The following ITIH5 variants were observed in gnomAD, a reference collection of about 807,000 sequenced individuals.
ITIH5 encodes the protein inter-alpha-trypsin inhibitor heavy chain 5, also known as inter-alpha-trypsin inhibitor heavy chain H5.
In ITIH5, 65 loss-of-function variants were observed where a neutral mutation model predicts 77.5. The observed-to-expected ratio is 0.84, with a 90% CI of 0.69 to 1.03. ITIH5 has a LOEUF of 1.03. Among genes scored for constraint, ITIH5 ranks in the 50% least tolerant of loss-of-function variants. ITIH5 has a pLI of 0.00. For missense variants in ITIH5, 1,208 were observed against 1,213.1 expected (o/e 1.00, Z 0.06); for synonymous variants, 525 against 494.3 (o/e 1.06, Z -0.82).
At chr10:7,632,476 A>T (rs1032503435) in intron 5 of ITIH5, among the ~76,000 whole-genome samples, 4 of 152,244 alleles carry the variant, frequency 2.6e-5, no homozygotes, top group African/African-American at 4.8e-5. Flanking sequence ...AAACTTTTTT[A>T]AAAAGCAAGG....
chr10:7,659,733 T>C (rs982018834), intron 1 of ITIH5, among the ~76,000 whole-genome samples: 1 of 152,244 alleles, frequency 6.6e-6, no homozygotes, highest in African/African-American at 2.4e-5. Flanking sequence ...GCCTATCTGA[T>C]GTCTCAGGGG....
At chr10:7,639,891 C>T (rs1240256619) in intron 4 of ITIH5, among the ~76,000 whole-genome samples, 1 of 151,810 alleles carries the variant, frequency 6.6e-6, no homozygotes, top group Non-Finnish European at 1.5e-5. Flanking sequence ...AGGAGAGAGA[C>T]AGTGGAGGTT....
chr10:7,654,827 T>C (rs1424930059), intron 2 of ITIH5, among the ~76,000 whole-genome samples: 1 of 152,154 alleles, frequency 6.6e-6, no homozygotes, highest in Admixed American at 6.5e-5. Flanking sequence ...TTTAGGTACA[T>C]ATGTCATTGT....
At chr10:7,577,602 T>C (rs1564239948) in intron 9 of ITIH5, among the ~76,000 whole-genome samples, 2 of 152,248 alleles carry the variant, frequency 1.3e-5, no homozygotes, top group Admixed American at 6.5e-5. Context: ...AACCTGACTT[T>C]CGTGAGTTTG....
At chr10:7,574,794 G>GGAA (rs1554748362) in intron 10 of ITIH5, among the ~76,000 whole-genome samples, 7 of 85,658 alleles carry the variant, frequency 8.2e-5, no homozygotes, top group African/African-American at 2.6e-4. Context: ...CTCCATCTCG[G>GGAA]AAAAAAAAAA....
intron 7 of ITIH5, among the ~76,000 whole-genome samples, chr10:7,591,277 A>AC (rs1832788795): frequency 6.6e-6 from 1 of 152,072 alleles, no homozygotes; most frequent in Admixed American, 6.6e-5. Context: ...CTGCTAGTCT[A>AC]CCCCAGCTAT....
chr10:7,579,352 C>A (rs1288596757), intron 9 of ITIH5, among the ~76,000 whole-genome samples: 1 of 152,142 alleles, frequency 6.6e-6, no homozygotes, highest in Non-Finnish European at 1.5e-5. Flanking sequence ...ATGGAGAAAC[C>A]TTGTCTCTAC....
intron 8 of ITIH5, among the ~76,000 whole-genome samples, chr10:7,580,637 G>C (rs1007803470): frequency 6.6e-6 from 1 of 152,204 alleles, no homozygotes; most frequent in Non-Finnish European, 1.5e-5. Flanking sequence ...CCTCTTCTGA[G>C]AATGGCTTTG....
chr10:7,657,295 C>T (rs1274865614), intron 1 of ITIH5, among the ~76,000 whole-genome samples: 1 of 152,068 alleles, frequency 6.6e-6, no homozygotes, highest in Non-Finnish European at 1.5e-5. Flanking sequence ...GATCCGCCCG[C>T]CTCTGCCTCC....
In ITIH5 at chr10:7,563,282, G is replaced by A; in HGVS notation, c.2630C>T (p.Ala877Val). The A allele has an allele frequency of 6.2e-7, 1 of 1,614,204 alleles. No homozygotes were observed. Residue 877 changes from alanine (A) to valine (V), a missense_variant, in exon 14 of 14, where the codon GCC becomes GTC. Physicochemically the swap from Ala to Val is moderately conservative, Grantham distance 64. Coordinates refer to ENST00000397146, the MANE Select transcript of ITIH5 (RefSeq NM_030569.7). ...LLLQVGEGPE[A>V]VLTVKGHQVP... ...TTGGTGGCCTTTCACTGTTAGGACG[G>A]CCTCAGGCCCCTCTCCCACCTGAAG...
At chr10:7,597,494 A>G (rs1274872552) in intron 7 of ITIH5, among the ~76,000 whole-genome samples, 1 of 152,144 alleles carries the variant, frequency 6.6e-6, no homozygotes, top group Non-Finnish European at 1.5e-5. Context: ...CCAGCCTCAG[A>G]TCTGTTGTCC....
At chr10:7,602,511 T>G (rs1564254703) in intron 7 of ITIH5, among the ~76,000 whole-genome samples, 1 of 152,164 alleles carries the variant, frequency 6.6e-6, no homozygotes, top group Non-Finnish European at 1.5e-5. Context: ...TGACGGTTTT[T>G]TAAGCATCTG....
At position 7,569,787 on chromosome 10, in the gene ITIH5, G is replaced by C. The variant is rs1736312791; in HGVS notation, c.2033-3C>G. On this transcript the variant is annotated splice_region_variant and splice_polypyrimidine_tract_variant and intron_variant, in intron 11 of 13. Transcript: ENST00000397146. The stretch of plus-strand genomic sequence containing the variant: ...AACAAAGTGGGGATCACCATCCACT[G>C]CCAGAGCAGAAGAAAACGGAGAGAA... 2 of 1,579,556 alleles carry C rather than the reference G, an allele frequency of 1.3e-6. No homozygotes were observed. Among genetic ancestry groups the C allele is most frequent in the Non-Finnish European group, 1.7e-6 (2 of 1,157,944 alleles).
intron 2 of ITIH5, among the ~76,000 whole-genome samples, chr10:7,648,583 T>A (rs1834042787): frequency 6.6e-6 from 1 of 152,256 alleles, no homozygotes; most frequent in African/African-American, 2.4e-5. Flanking sequence ...AGCAGAAGTT[T>A]ACAGCTGTAG....
At chr10:7,589,895 G>T (rs1198217114) in intron 7 of ITIH5, among the ~76,000 whole-genome samples, 1 of 151,982 alleles carries the variant, frequency 6.6e-6, no homozygotes, top group Non-Finnish European at 1.5e-5. Context: ...GAGGGGATTG[G>T]TGCTCCCCTG....
At chr10:7,663,946 T>A (rs553592152) in intron 1 of ITIH5, among the ~76,000 whole-genome samples, 3 of 152,362 alleles carry the variant, frequency 2.0e-5, no homozygotes, top group Admixed American at 2.0e-4. Context: ...ATTTTGTCAA[T>A]CTAAAACTGC....
intron 2 of ITIH5, among the ~76,000 whole-genome samples, chr10:7,651,343 G>A (rs1834097039): frequency 6.6e-6 from 1 of 152,130 alleles, no homozygotes; most frequent in South Asian, 2.1e-4. Flanking sequence ...CAGCACTTTG[G>A]GAGGGCAGGG....
In ITIH5 at chr10:7,560,966, T is replaced by A. The variant is rs1293859928; in HGVS notation, c.*2117A>T. The A allele has an allele frequency of 1.4e-4, 1 of 7,370 alleles. No individual in the cohort carries two copies. The highest frequency in any genetic ancestry group is 1.7e-4 in the African/African-American group (1 of 5,930). 0.5% of individuals were successfully genotyped at this position (7,370 alleles called of 1,614,324 possible). A position where few individuals can be genotyped will look rare whatever the true frequency, so the allele number is the denominator to read the frequency against. On this transcript the variant is annotated 3_prime_UTR_variant, in exon 14 of 14. Coordinates refer to ENST00000397146, the MANE Select transcript of ITIH5 (RefSeq NM_030569.7). ...TTCTGGACAACAGAAAATACTATAT[T>A]TTTTTTTTATCAAATGCAAAGGTCC...
In ITIH5 at chr10:7,637,451, A is replaced by C. The variant is rs1462178425; in HGVS notation, c.429T>G (p.Ala143=). 3 of 1,613,990 alleles carry C rather than the reference A, an allele frequency of 1.9e-6. No homozygotes were observed. The Admixed American group carries it at 5.0e-5, about 27-fold the overall frequency. Residue 143 remains alanine (A), a synonymous_variant, in exon 5 of 14, where the codon GCT becomes GCG. Coordinates refer to ENST00000397146, the MANE Select transcript of ITIH5 (RefSeq NM_030569.7). ...NGEKGTEIFR[A]SAVIPSKDKA... ...TGTCCTTGCTGGGAATCACTGCAGA[A>C]GCTCTGAATATTTCAGTCCCCTTCT...
Sources: gnomAD v4.1 joint callset for allele counts (sites outside exome capture counted in the v4.1 genomes callset) on GRCh38, gnomAD v4.1.1 for gene constraint, MANE v1.5 for transcripts, NCBI Gene and HGNC (gene_info 2026-07-23, HGNC 2026-07-21) for gene names.